Variants in ZEB2 observed in about 807,000 individuals in gnomAD.
ZEB2 encodes the protein zinc finger E-box-binding homeobox 2.
In ZEB2, 6 loss-of-function variants were observed where a neutral mutation model predicts 99.9. That is an observed-to-expected ratio of 0.06 (90% confidence interval 0.03 to 0.12). ZEB2 has a LOEUF of 0.12. ZEB2 is among the 10% of genes least tolerant of loss of function. ZEB2 has a pLI of 1.00. For synonymous variants in ZEB2, 517 were observed against 542.5 expected (o/e 0.95, Z 0.65); for missense variants, 969 against 1,502.8 (o/e 0.64, Z 5.87).
chr2:144,489,251 A>C (rs1323486130), intron 2 of ZEB2, among the ~76,000 whole-genome samples: 3 of 152,176 alleles, frequency 2.0e-5, no homozygotes, highest in African/African-American at 7.2e-5. Flanking sequence ...TAAAGTAATA[A>C]TATCTTTTTA....
At chr2:144,424,673 G>A (rs141317468) in intron 4 of ZEB2, 123 bp downstream of exon 4, 2 of 1,191,586 alleles carry the variant, frequency 1.7e-6, no homozygotes, top group East Asian at 4.8e-5. Context: ...CCAGAGACCT[G>A]TAAAGTTGAC....
At chr2:144,425,339 C>T (rs190883681) in intron 3 of ZEB2, among the ~76,000 whole-genome samples, 1 of 152,286 alleles carries the variant, frequency 6.6e-6, no homozygotes. Context: ...TGCAAGCATA[C>T]TTTTTGAAAA....
intron 2 of ZEB2, among the ~76,000 whole-genome samples, chr2:144,486,114 A>C (rs781175943): frequency 6.6e-6 from 1 of 152,234 alleles, no homozygotes; most frequent in Non-Finnish European, 1.5e-5. Context: ...AGATGAATCC[A>C]GAAGTCTGAT....
chr2:144,416,736 C>G (rs1259298396), intron 4 of ZEB2, among the ~76,000 whole-genome samples: 2 of 152,186 alleles, frequency 1.3e-5, no homozygotes, highest in Non-Finnish European at 2.9e-5. Flanking sequence ...TTCAGCCTTT[C>G]TCTCTTTCTC....
rs145629193 is a variant in ZEB2, at chr2:144,512,869, C to T, written c.73+4409G>A. The stretch of plus-strand genomic sequence containing the variant: ...AGGATGGAGATGGATATCTTTGGAG[C>T]GCCCTCAGAACTGGTACCTGCCACA... On this transcript the variant is annotated intron_variant, in intron 2 of 9. Transcript: ENST00000627532. 5.1e-3 allele frequency: 6,624 copies of T among 1,287,202 alleles called. 31 individuals carry two copies. Among genetic ancestry groups the T allele is most frequent in the Non-Finnish European group, 6.3e-3 (6,212 of 988,672 alleles). 79.7% of individuals were successfully genotyped at this position (1,287,202 alleles called of 1,614,324 possible). A position where few individuals can be genotyped will look rare whatever the true frequency, so the allele number is the denominator to read the frequency against.
chr2:144,515,261 T>C (rs1705112255), intron 2 of ZEB2, among the ~76,000 whole-genome samples: 1 of 152,206 alleles, frequency 6.6e-6, no homozygotes, highest in South Asian at 2.1e-4. Flanking sequence ...CACAAAGCTT[T>C]TGTTATCCAG....
At chr2:144,511,400 T>A (rs1705036280) in intron 2 of ZEB2, 1 of 1,210,918 alleles carries the variant, frequency 8.3e-7, no homozygotes, top group Non-Finnish European at 1.0e-6. Flanking sequence ...TAAAATGAAA[T>A]CCTTTATTTA....
At chr2:144,401,932 C>G (rs1181049215) in intron 6 of ZEB2, among the ~76,000 whole-genome samples, 1 of 152,126 alleles carries the variant, frequency 6.6e-6, no homozygotes, top group African/African-American at 2.4e-5. Flanking sequence ...AATATAAGCC[C>G]AGTTTTTCCT....
chr2:144,491,641 A>G (rs1283092163), intron 2 of ZEB2, among the ~76,000 whole-genome samples: 1 of 152,186 alleles, frequency 6.6e-6, no homozygotes, highest in Non-Finnish European at 1.5e-5. Context: ...AAATGGTTCA[A>G]AAAACCTTGG....
intron 2 of ZEB2, among the ~76,000 whole-genome samples, chr2:144,447,410 T>C (rs958708237): frequency 1.7e-4 from 26 of 152,328 alleles, no homozygotes; most frequent in Middle Eastern, 3.4e-3. Flanking sequence ...CCTATATATG[T>C]TCTTCCTTCC....
intron 2 of ZEB2, among the ~76,000 whole-genome samples, chr2:144,466,709 C>T (rs1426912401): frequency 3.9e-5 from 6 of 152,284 alleles, no homozygotes; most frequent in African/African-American, 4.8e-5. Flanking sequence ...AAACCTCAAA[C>T]GGAGTAAACC....
intron 2 of ZEB2, chr2:144,430,794 A>T (rs1703760101): frequency 6.5e-6 from 1 of 152,836 alleles, no homozygotes. Flanking sequence ...AATGCTCAGT[A>T]GCTTTTCTTA....
chr2:144,507,328 G>T (rs1704964180), intron 2 of ZEB2: 1 of 152,272 alleles, frequency 6.6e-6, no homozygotes, highest in South Asian at 2.1e-4. Context: ...AAGTTATTTG[G>T]AGTCTTAATT....
At chr2:144,434,182 C>T (rs922379196) in intron 2 of ZEB2, among the ~76,000 whole-genome samples, 2 of 152,164 alleles carry the variant, frequency 1.3e-5, no homozygotes, top group Non-Finnish European at 2.9e-5. Context: ...AGGAAAATTA[C>T]ATATGCAGCT....
In ZEB2 at chr2:144,409,981, G is replaced by A. The variant is rs554347136; in HGVS notation, c.404-4957C>T. ...GGCTAAAGTGCAGTAGTGCAATCTC[G>A]GCTCACTGCCAGCTCCGTCTCCCAG... is the stretch of plus-strand genomic sequence containing the variant. On this transcript the variant is annotated intron_variant, in intron 4 of 9. Transcript: ENST00000627532. Among the ~76,000 whole-genome samples the A allele has an allele frequency of 3.1e-4, 47 of 149,968 alleles. No individual in the cohort carries two copies. In the South Asian group the frequency reaches 6.5e-3, roughly 21 times the overall value.
intron 2 of ZEB2, among the ~76,000 whole-genome samples, chr2:144,505,489 T>TA: frequency 6.6e-6 from 1 of 152,038 alleles, no homozygotes; most frequent in Admixed American, 6.6e-5. Context: ...ATTTGGGGAG[T>TA]ATCAACAATT....
intron 2 of ZEB2, chr2:144,503,801 C>T (rs923642428): frequency 6.6e-6 from 1 of 151,948 alleles, no homozygotes; most frequent in African/African-American, 2.4e-5. Flanking sequence ...TGTTTTTTGA[C>T]CTTTTAAACA....
intron 2 of ZEB2, among the ~76,000 whole-genome samples, chr2:144,478,402 T>C (rs1056826483): frequency 6.6e-6 from 1 of 152,270 alleles, no homozygotes; most frequent in Non-Finnish European, 1.5e-5. Flanking sequence ...ATGTCTCTTA[T>C]GTGGAAATTA....
intron 2 of ZEB2, among the ~76,000 whole-genome samples, chr2:144,453,408 C>T (rs1419599789): frequency 6.6e-6 from 1 of 152,216 alleles, no homozygotes; most frequent in Non-Finnish European, 1.5e-5. Context: ...TGTCTCCTTT[C>T]CCCTTACCTT....
Sources: gnomAD v4.1 joint callset for allele counts (sites outside exome capture counted in the v4.1 genomes callset) on GRCh38, gnomAD v4.1.1 for gene constraint, MANE v1.5 for transcripts, NCBI Gene and HGNC (gene_info 2026-07-23, HGNC 2026-07-21) for gene names.